DCC: variants seen among roughly 807,000 people sequenced by gnomAD.
The protein encoded by DCC is netrin receptor DCC.
DCC carries 58 observed loss-of-function variants against 172.5 expected under a neutral mutation model. The ratio of observed to expected loss-of-function variants is 0.34; its 90% CI spans 0.27 to 0.42. The LOEUF (loss-of-function observed/expected upper bound fraction) is 0.42. DCC is among the 10% of genes least tolerant of loss of function. The pLI is 1.00. For missense variants in DCC, 1,740 were observed against 1,791.0 expected (o/e 0.97, Z 0.51); for synonymous variants, 709 against 644.5 (o/e 1.10, Z -1.52).
chr18:53,172,293 G>A (rs2055025421), intron 8 of DCC, among the ~76,000 whole-genome samples: 1 of 151,996 alleles, frequency 6.6e-6, no homozygotes, highest in Admixed American at 6.6e-5. Context: ...ACATATAGAT[G>A]GCAACAGTAG....
chr18:52,869,225 A>AG (rs1205306959), intron 2 of DCC, among the ~76,000 whole-genome samples: 1 of 152,206 alleles, frequency 6.6e-6, no homozygotes, highest in Non-Finnish European at 1.5e-5. Context: ...AGACAAGTGG[A>AG]GGGTGAGCAA....
intron 8 of DCC, among the ~76,000 whole-genome samples, chr18:53,172,004 A>G: frequency 6.6e-6 from 1 of 152,222 alleles, no homozygotes; most frequent in Non-Finnish European, 1.5e-5. Context: ...AAACAGATCC[A>G]CAATTTAGCC....
chr18:53,256,661 GT>G (rs2056521501), intron 12 of DCC, among the ~76,000 whole-genome samples: 1 of 152,108 alleles, frequency 6.6e-6, no homozygotes, highest in Middle Eastern at 3.2e-3. Context: ...CTCCAGCTTT[GT>G]TCTTTTGGCT....
chr18:52,893,940 A>AG (rs1403642282), intron 2 of DCC, among the ~76,000 whole-genome samples: 1 of 152,146 alleles, frequency 6.6e-6, no homozygotes, highest in Non-Finnish European at 1.5e-5. Context: ...CTTATGAAGG[A>AG]GAAAAAACAT....
At chr18:52,394,710 C>T (rs918891853) in intron 1 of DCC, among the ~76,000 whole-genome samples, 1 of 152,030 alleles carries the variant, frequency 6.6e-6, no homozygotes, top group Non-Finnish European at 1.5e-5. Context: ...ATAATGAACA[C>T]CTGTACTAGG....
chr18:52,552,022 T>C (rs1347668550), intron 1 of DCC, among the ~76,000 whole-genome samples: 1 of 152,102 alleles, frequency 6.6e-6, no homozygotes, highest in Non-Finnish European at 1.5e-5. Context: ...TTGCCTGGAC[T>C]TCTAGATATC....
chr18:52,518,964 A>G (rs756643672), intron 1 of DCC, among the ~76,000 whole-genome samples: 9 of 152,348 alleles, frequency 5.9e-5, no homozygotes, highest in Non-Finnish European at 1.3e-4. Context: ...AATGAAGGCC[A>G]GAGAATGCTA....
At chr18:53,417,272 G>A (rs1910369405) in intron 21 of DCC, among the ~76,000 whole-genome samples, 1 of 152,174 alleles carries the variant, frequency 6.6e-6, no homozygotes, top group African/African-American at 2.4e-5. Context: ...ATTCTTCTCT[G>A]GCGATGTATA....
intron 2 of DCC, among the ~76,000 whole-genome samples, chr18:52,837,227 C>T (rs2038722559): frequency 6.6e-6 from 1 of 152,210 alleles, no homozygotes; most frequent in South Asian, 2.1e-4. Context: ...AAGTCTCTGA[C>T]ATGCTCTGGA....
At chr18:53,159,544 C>T (rs1447076194) in intron 8 of DCC, among the ~76,000 whole-genome samples, 1 of 152,148 alleles carries the variant, frequency 6.6e-6, no homozygotes, top group Non-Finnish European at 1.5e-5. Context: ...ATCACTCACT[C>T]CACTGCCCCA....
chr18:52,874,138 C>G (rs1431748), intron 2 of DCC, among the ~76,000 whole-genome samples: 2,350 of 152,062 alleles, frequency 0.015, 57 homozygotes, highest in African/African-American at 0.051. Flanking sequence ...AACACTTACC[C>G]TAAACTTAAA....
At chr18:52,705,075 A>G (rs2036183992) in intron 1 of DCC, among the ~76,000 whole-genome samples, 1 of 152,162 alleles carries the variant, frequency 6.6e-6, no homozygotes, top group South Asian at 2.1e-4. Context: ...TCCCTTAAGG[A>G]AGTATGTTAT....
intron 8 of DCC, among the ~76,000 whole-genome samples, chr18:53,162,846 A>G (rs1472245946): frequency 6.6e-6 from 1 of 152,180 alleles, no homozygotes; most frequent in Non-Finnish European, 1.5e-5. Context: ...TCTCCTCACC[A>G]GAATATAATA....
At chr18:53,429,760 A>C (rs1911487358) in intron 21 of DCC, among the ~76,000 whole-genome samples, 1 of 152,138 alleles carries the variant, frequency 6.6e-6, no homozygotes, top group East Asian at 1.9e-4. Flanking sequence ...GAATTTGTAG[A>C]GCACCAGGGC....
At chr18:52,760,343 C>T (rs746910505) in intron 2 of DCC, among the ~76,000 whole-genome samples, 4 of 152,310 alleles carry the variant, frequency 2.6e-5, no homozygotes, top group Middle Eastern at 3.4e-3. Context: ...TCACCTCCCA[C>T]GAGGTCCCTC....
chr18:52,871,921 C>G (rs967721788), intron 2 of DCC, among the ~76,000 whole-genome samples: 1 of 152,090 alleles, frequency 6.6e-6, no homozygotes, highest in Non-Finnish European at 1.5e-5. Context: ...CTCTGCTTGA[C>G]TGAATCTCTG....
rs918048929 is a variant in DCC, at chr18:53,383,088, C to A, written c.2360-2955C>A. Among the ~76,000 whole-genome samples the A allele has an allele frequency of 2.0e-5, 3 of 152,152 alleles. No individual in the cohort carries two copies. The East Asian group carries it at 5.8e-4, about 29-fold the overall frequency. The stretch of plus-strand genomic sequence containing the variant: ...CCTTGCTCTGTTTTCTGCAATCTGT[C>A]ATTTAGGTCCAGAGGCTAGATCAGA... On this transcript the variant is annotated intron_variant, in intron 15 of 28. Transcript: ENST00000442544.
chr18:53,315,316 T>A (rs2057330674), intron 13 of DCC, among the ~76,000 whole-genome samples: 1 of 152,228 alleles, frequency 6.6e-6, no homozygotes, highest in Non-Finnish European at 1.5e-5. Flanking sequence ...GGCTGCATAG[T>A]ATTCCATGGT....
intron 7 of DCC, among the ~76,000 whole-genome samples, chr18:53,140,510 T>A (rs953089807): frequency 7.2e-5 from 11 of 152,172 alleles, no homozygotes; most frequent in African/African-American, 1.4e-4. Context: ...GCACAGAGAT[T>A]ACATGCTGGA....
Sources: allele counts gnomAD v4.1 joint callset (sites outside exome capture counted in the v4.1 genomes callset), GRCh38; gene constraint gnomAD v4.1.1; transcripts MANE v1.5; gene names NCBI Gene and HGNC (gene_info 2026-07-23, HGNC 2026-07-21).